Variants in CRISPLD2 observed in about 807,000 individuals in gnomAD.
The protein encoded by CRISPLD2 is cysteine-rich secretory protein LCCL domain-containing 2.
A neutral mutation model predicts 71.1 loss-of-function variants in CRISPLD2; 47 were observed. The ratio of observed to expected loss-of-function variants is 0.66; its 90% CI spans 0.52 to 0.84. CRISPLD2 has a LOEUF of 0.84. Ranked by LOEUF, CRISPLD2 falls within the 40% of genes least tolerant of loss-of-function variation. The pLI, the probability that CRISPLD2 is intolerant of heterozygous loss-of-function variation, is 0.00. For synonymous variants in CRISPLD2, 317 were observed against 250.1 expected (o/e 1.27, Z -2.52); for missense variants, 830 against 651.1 (o/e 1.27, Z -2.99).
In CRISPLD2 at chr16:84,907,737, C is replaced by G. The variant is rs1011802617; in HGVS notation, c.*1095C>G. The G allele has an allele frequency of 6.6e-6, 1 of 152,170 alleles. No homozygotes were observed. The highest frequency in any genetic ancestry group is 2.4e-5 in the African/African-American group (1 of 41,424). 9.4% of individuals were successfully genotyped at this position (152,170 alleles called of 1,614,324 possible). On this transcript the variant is annotated 3_prime_UTR_variant, in exon 15 of 15. Coordinates refer to ENST00000262424, the MANE Select transcript of CRISPLD2 (RefSeq NM_031476.4). Reference sequence around the variant, plus strand: ...ACATTCCTCACCGAGGTTAGCAGCTCAGTTTGTGGTTATGAAACCGTCTGT... The same window carrying G: ...ACATTCCTCACCGAGGTTAGCAGCTGAGTTTGTGGTTATGAAACCGTCTGT...
chr16:84,880,517 G>A lies in CRISPLD2; in HGVS notation c.1238G>A (p.Cys413Tyr). ...TGCTTCCTGTTTTTCAGAATCCATT[G>A]TCCGGCACACTGCAAAGACGAACCT... Reference protein sequence around the residue: ...KPATHCPRIHCPAHCKDEPSY... With the variant: ...KPATHCPRIHYPAHCKDEPSY... Residue 413 changes from cysteine to tyrosine, a missense_variant, in exon 13 of 15, where the codon TGT (cysteine) becomes TAT (tyrosine). Coordinates refer to ENST00000262424, the MANE Select transcript of CRISPLD2 (RefSeq NM_031476.4). 2.5e-6 allele frequency: 4 copies of A among 1,613,278 alleles called. No homozygotes were observed. Among genetic ancestry groups the A allele is most frequent in the Non-Finnish European group, 3.4e-6 (4 of 1,179,490 alleles).
intron 13 of CRISPLD2, among the ~76,000 whole-genome samples, chr16:84,883,308 G>C (rs1456252573): frequency 6.6e-6 from 1 of 152,198 alleles, no homozygotes; most frequent in Non-Finnish European, 1.5e-5. Flanking sequence ...GACCTTCAAA[G>C]GGCCTGTTCC....
At chr16:84,851,587 T>C (rs1163992197) in intron 5 of CRISPLD2, among the ~76,000 whole-genome samples, 1 of 152,182 alleles carries the variant, frequency 6.6e-6, no homozygotes, top group African/African-American at 2.4e-5. Context: ...ATAGAAGCCC[T>C]CTCAAAACCA....
chr16:84,862,139 G>A (rs1403039183), intron 6 of CRISPLD2, among the ~76,000 whole-genome samples: 1 of 152,092 alleles, frequency 6.6e-6, no homozygotes, highest in Non-Finnish European at 1.5e-5. Context: ...CTGTGCTAGA[G>A]GTTTCTCGCC....
rs527642158 is a variant in CRISPLD2, at chr16:84,846,884, G to T, written c.359+980G>T. Among the ~76,000 whole-genome samples the T allele has an allele frequency of 2.6e-5, 4 of 152,326 alleles. No individual in the cohort carries two copies. In the South Asian group the frequency reaches 8.3e-4, roughly 32 times the overall value. ...AAATGCAGCCGACGGGCCTTCCCCAGAGTAAGCTGGACCATGTATCCGTGC... is the reference window on the plus strand; with the variant it reads ...AAATGCAGCCGACGGGCCTTCCCCATAGTAAGCTGGACCATGTATCCGTGC... On this transcript the variant is annotated intron_variant, in intron 3 of 14. Coordinates refer to ENST00000262424, the MANE Select transcript of CRISPLD2 (RefSeq NM_031476.4).
intron 6 of CRISPLD2, among the ~76,000 whole-genome samples, chr16:84,856,559 G>T (rs562574643): frequency 1.3e-5 from 2 of 152,286 alleles, no homozygotes; most frequent in East Asian, 3.9e-4. Flanking sequence ...GGTCACTAGG[G>T]GTGAGGGTGA....
Position 84,872,934 on chromosome 16 carries a change from G to A in CRISPLD2, c.982-58G>A, listed in dbSNP as rs2071483909. The A allele has an allele frequency of 2.6e-6, 4 of 1,552,190 alleles. No homozygotes were observed. The South Asian group carries it at 4.9e-5, about 19-fold the overall frequency. On this transcript the variant is annotated intron_variant, in intron 9 of 14. Coordinates refer to ENST00000262424, the MANE Select transcript of CRISPLD2 (RefSeq NM_031476.4). Reference sequence around the variant, plus strand: ...GGACAAATGTTTGGGTATTTCTGGTGAAACTTGCTGACAGAGGTTGAGAAT... The same window carrying A: ...GGACAAATGTTTGGGTATTTCTGGTAAAACTTGCTGACAGAGGTTGAGAAT...
chr16:84,891,046 T>C (rs904774033), intron 14 of CRISPLD2, among the ~76,000 whole-genome samples: 4 of 152,060 alleles, frequency 2.6e-5, no homozygotes, highest in Non-Finnish European at 5.9e-5. Flanking sequence ...GGATCACAGG[T>C]GTGAGCCACC....
chr16:84,850,512 A>T, intron 4 of CRISPLD2, 56 bp from the exon 5 acceptor site: 1 of 1,466,286 alleles, frequency 6.8e-7, no homozygotes, highest in East Asian at 2.3e-5. Context: ...GCCAAATGAT[A>T]TCACCCTTTT....
chr16:84,861,916 C>T (rs534527830), intron 6 of CRISPLD2, among the ~76,000 whole-genome samples: 14 of 152,174 alleles, frequency 9.2e-5, no homozygotes, highest in African/African-American at 3.1e-4. Context: ...GGCAACACAG[C>T]GAGACCCCAA....
At chr16:84,900,976 G>T (rs2071748191) in intron 14 of CRISPLD2, among the ~76,000 whole-genome samples, 1 of 150,276 alleles carries the variant, frequency 6.7e-6, no homozygotes, top group African/African-American at 2.5e-5. Flanking sequence ...CTTGAGCCCA[G>T]GAGGTTGAGG....
chr16:84,858,875 A>G (rs140117492), intron 6 of CRISPLD2, among the ~76,000 whole-genome samples: 1,530 of 152,238 alleles, frequency 0.01, 12 homozygotes, highest in Non-Finnish European at 0.015. Flanking sequence ...ATGAAACCAC[A>G]TCTGGTGCAG....
chr16:84,868,234 A>T (rs1234119931), intron 7 of CRISPLD2, among the ~76,000 whole-genome samples: 1 of 152,216 alleles, frequency 6.6e-6, no homozygotes, highest in African/African-American at 2.4e-5. Context: ...AAACCTGCGG[A>T]GGCCCTTGTC....
intron 12 of CRISPLD2, among the ~76,000 whole-genome samples, chr16:84,879,366 T>TC (rs60624288): frequency 0.52 from 63,475 of 121,924 alleles, 14,639 homozygotes; most frequent in East Asian, 0.73. Context: ...CAATTCTTTT[T>TC]TTTTTTTTTT....
chr16:84,878,202 T>C (rs912014319), intron 12 of CRISPLD2, among the ~76,000 whole-genome samples: 4 of 151,944 alleles, frequency 2.6e-5, no homozygotes, highest in African/African-American at 9.7e-5. Context: ...CCAGCCTGGG[T>C]GACAGAGCGA....
In CRISPLD2 at chr16:84,889,282, G is replaced by C. The variant is rs1324523975; in HGVS notation, c.1358G>C (p.Ser453Thr). ...CACGCGGGAGTCATCAGCAACGAGA[G>C]TGGGGGTGACGTGGACGTGATGCCC... is the stretch of plus-strand genomic sequence containing the variant. ...AVHAGVISNE[S>T]GGDVDVMPVD... Residue 453 changes from serine (S) to threonine (T), a missense_variant, in exon 14 of 15, where the codon AGT becomes ACT. By Grantham distance (58) the Ser-to-Thr change is moderately conservative (BLOSUM62 1). Coordinates refer to ENST00000262424, the MANE Select transcript of CRISPLD2 (RefSeq NM_031476.4). 6.2e-7 allele frequency: 1 copy of C among 1,614,158 alleles called. No homozygotes were observed. The highest frequency in any genetic ancestry group is 2.2e-5 in the East Asian group (1 of 44,868).
intron 1 of CRISPLD2, among the ~76,000 whole-genome samples, chr16:84,831,120 C>T (rs530297904): frequency 3.3e-5 from 5 of 152,264 alleles, no homozygotes; most frequent in African/African-American, 9.6e-5. Context: ...AGCCCAGGGC[C>T]GGGGGTGCCC....
At chr16:84,843,602 A>AT (rs1916834146) in intron 2 of CRISPLD2, among the ~76,000 whole-genome samples, 1 of 152,206 alleles carries the variant, frequency 6.6e-6, no homozygotes, top group African/African-American at 2.4e-5. Context: ...ACCCTTTCTC[A>AT]TAGGGTTGTT....
chr16:84,857,181 T>C (rs952611716), intron 6 of CRISPLD2, among the ~76,000 whole-genome samples: 1 of 152,214 alleles, frequency 6.6e-6, no homozygotes, highest in African/African-American at 2.4e-5. Flanking sequence ...TGGAGGTCCA[T>C]GTTGCTGAGC....
Sources: allele counts gnomAD v4.1 joint callset (sites outside exome capture counted in the v4.1 genomes callset), GRCh38; gene constraint gnomAD v4.1.1; transcripts MANE v1.5; gene names NCBI Gene and HGNC (gene_info 2026-07-23, HGNC 2026-07-21).